FAM161A: variants seen among roughly 807,000 people sequenced by gnomAD.
FAM161A encodes protein FAM161A.
In FAM161A, 57 loss-of-function variants were observed where a neutral mutation model predicts 70.9. The observed-to-expected ratio is 0.80, with a 90% CI of 0.65 to 1.00. The LOEUF is 1.00. Ranked by LOEUF, FAM161A falls within the 50% of genes least tolerant of loss-of-function variation. The pLI is 0.00. For synonymous variants in FAM161A, 299 were observed against 295.7 expected (o/e 1.01, Z -0.12); for missense variants, 880 against 836.0 (o/e 1.05, Z -0.65).
At chr2:61,823,081 T>C (rs571578610), downstream of FAM161A, among the ~76,000 whole-genome samples, 2 of 148,636 alleles carry the variant, frequency 1.3e-5, no homozygotes, top group South Asian at 4.6e-4. Flanking sequence ...ATGCCTGTAA[T>C]CCCAGCACTT....
intron 5 of FAM161A, among the ~76,000 whole-genome samples, chr2:61,830,833 G>A (rs75321378): frequency 0.18 from 26,951 of 151,722 alleles, 2,543 homozygotes; most frequent in Middle Eastern, 0.21. Context: ...ATTTCTGGCT[G>A]GATGTGGTGG....
At chr2:61,841,167 A>C (rs1013078824) in intron 2 of FAM161A, among the ~76,000 whole-genome samples, 1 of 152,094 alleles carries the variant, frequency 6.6e-6, no homozygotes, top group Admixed American at 6.6e-5. Context: ...CACTGTCCTG[A>C]AGCATAGATC....
chr2:61,824,162 G>A (rs1380715557), downstream of FAM161A, among the ~76,000 whole-genome samples: 2 of 150,056 alleles, frequency 1.3e-5, no homozygotes, highest in Non-Finnish European at 3.0e-5. Flanking sequence ...GAGTAGCTGG[G>A]ACTACAGGCA....
At chr2:61,818,455 C>A in the FAM161A span, among the ~76,000 whole-genome samples, 4 of 152,138 alleles carry the variant, frequency 2.6e-5, no homozygotes, top group Non-Finnish European at 5.9e-5. Context: ...ACAAGATGAT[C>A]CTTGGATTTC....
At position 61,843,581 on chromosome 2, in the gene FAM161A, C is replaced by T. The variant is rs547560351; in HGVS notation, c.184-1221G>A. Reference sequence around the variant, plus strand: ...CAACCACAGTTTTAAATTTAGCCTACTGTCTGGAACAGATGCAAAATGAAA... The same window carrying T: ...CAACCACAGTTTTAAATTTAGCCTATTGTCTGGAACAGATGCAAAATGAAA... On this transcript the variant is annotated intron_variant, in intron 1 of 6. Transcript: ENST00000404929. Among the ~76,000 whole-genome samples, 130 of 152,150 alleles carry T rather than the reference C, an allele frequency of 8.5e-4. 4 individuals carry two copies. The highest frequency in any genetic ancestry group is 1.8e-3 in the Non-Finnish European group (123 of 68,034).
At chr2:61,820,516 G>C (rs1245415274), downstream of FAM161A, 1 of 750,104 alleles carries the variant, frequency 1.3e-6, no homozygotes, top group African/African-American at 1.7e-5. Context: ...TGTGAAAAAG[G>C]TATTTGTTGC....
chr2:61,827,823 C>G (rs1008062367), intron 5 of FAM161A, among the ~76,000 whole-genome samples: 2 of 152,010 alleles, frequency 1.3e-5, no homozygotes, highest in African/African-American at 4.8e-5. Flanking sequence ...GGAAATCACC[C>G]AAATATCTAT....
chr2:61,826,432 C>A lies in FAM161A; in HGVS notation c.*23G>T. On this transcript the variant is annotated 3_prime_UTR_variant, in exon 7 of 7. Transcript: ENST00000404929. ...CTGACGCTGCAAACAACAGCAAGGG[C>A]ATAGAGAGGAGACCTTGATGATTCA... is the stretch of plus-strand genomic sequence containing the variant. The A allele has an allele frequency of 6.2e-7, 1 of 1,611,116 alleles. No individual in the cohort carries two copies. Among genetic ancestry groups the A allele is most frequent in the Non-Finnish European group, 8.5e-7 (1 of 1,178,314 alleles).
rs780643951 is a variant in FAM161A, at chr2:61,840,435, C to G, written c.569G>C (p.Arg190Thr). ...GAGCTCCTTAGCATAGGTCATCATT[C>G]TGTTTTTCCTAGGATACTCTTTTTC... The part of the protein sequence containing the change: ...NLEKEYPRKN[R>T]MMTYAKELIN... The change falls in exon 3 of 7, where the codon AGA (arginine) becomes ACA (threonine). Residue 190 changes from arginine (R) to threonine (T), a missense_variant. Arg to Thr is a moderately conservative substitution (Grantham distance 71). Coordinates refer to ENST00000404929, the MANE Select transcript of FAM161A (RefSeq NM_001201543.2). 7 of 1,614,016 alleles carry G rather than the reference C, an allele frequency of 4.3e-6. No individual in the cohort carries two copies. The highest frequency in any genetic ancestry group is 5.9e-6 in the Non-Finnish European group (7 of 1,180,006).
chr2:61,821,300 C>T (rs1672197536), downstream of FAM161A, among the ~76,000 whole-genome samples: 1 of 152,112 alleles, frequency 6.6e-6, no homozygotes, highest in Admixed American at 6.5e-5. Flanking sequence ...ATCTGCCTGC[C>T]TCGGCCTCCC....
At chr2:61,803,124 A>G in the FAM161A span, 1 of 436,274 alleles carries the variant, frequency 2.3e-6, no homozygotes, top group South Asian at 2.0e-5. Context: ...AAAGTTCATG[A>G]CTACTTCAGA....
downstream of FAM161A, among the ~76,000 whole-genome samples, chr2:61,822,312 T>C (rs772344974): frequency 7.9e-5 from 12 of 152,040 alleles, no homozygotes; most frequent in African/African-American, 2.9e-4. Flanking sequence ...GTTATTCCTA[T>C]AACTTTTCTA....
downstream of FAM161A, among the ~76,000 whole-genome samples, chr2:61,822,245 A>T (rs1203493936): frequency 6.6e-6 from 1 of 152,014 alleles, no homozygotes; most frequent in African/African-American, 2.4e-5. Context: ...AGCCTGGGCA[A>T]CATAGCGAGA....
chr2:61,800,266 G>A, the FAM161A span, among the ~76,000 whole-genome samples: 1 of 152,098 alleles, frequency 6.6e-6, no homozygotes, highest in Non-Finnish European at 1.5e-5. Flanking sequence ...TATTGGAGCT[G>A]TACAAAAGGC....
chr2:61,804,770 G>GAA, the FAM161A span, among the ~76,000 whole-genome samples: 37 of 100,214 alleles, frequency 3.7e-4, no homozygotes, highest in African/African-American at 1.4e-3. Flanking sequence ...AAAAGAAAGA[G>GAA]AAAGAAAGAA....
At chr2:61,820,029 C>T (rs1044034570), downstream of FAM161A, among the ~76,000 whole-genome samples, 1 of 152,100 alleles carries the variant, frequency 6.6e-6, no homozygotes, top group Non-Finnish European at 1.5e-5. Context: ...ACATCACAGA[C>T]ACATGTAGCT....
intron 1 of FAM161A, among the ~76,000 whole-genome samples, chr2:61,853,174 T>C (rs748567119): frequency 5.3e-5 from 8 of 152,032 alleles, no homozygotes; most frequent in Non-Finnish European, 1.0e-4. Context: ...CCTCCCAAAG[T>C]GCTGGGATTA....
intron 1 of FAM161A, among the ~76,000 whole-genome samples, chr2:61,848,725 C>G (rs2105098145): frequency 7.0e-6 from 1 of 142,818 alleles, no homozygotes; most frequent in East Asian, 2.0e-4. Context: ...TGAGAGAGAT[C>G]TACATGTACT....
the FAM161A span, among the ~76,000 whole-genome samples, chr2:61,806,812 C>A: frequency 1.2e-4 from 18 of 150,970 alleles, no homozygotes; most frequent in African/African-American, 4.1e-4. Flanking sequence ...CCTGCCTCAG[C>A]CTCCCGAGTA....
Sources: allele counts gnomAD v4.1 joint callset (sites outside exome capture counted in the v4.1 genomes callset), GRCh38; gene constraint gnomAD v4.1.1; transcripts MANE v1.5; gene names NCBI Gene and HGNC (gene_info 2026-07-23, HGNC 2026-07-21).